ZEB2: variants seen among roughly 807,000 people sequenced by gnomAD.
The protein encoded by ZEB2 is zinc finger E-box binding homeobox 2, also known as zinc finger E-box-binding homeobox 2.
Under a neutral mutation model 99.9 loss-of-function variants are expected in ZEB2, and 6 were observed. The observed-to-expected ratio is 0.06, with a 90% confidence interval of 0.03 to 0.12. The LOEUF (loss-of-function observed/expected upper bound fraction) is 0.12, where lower values mean the gene tolerates loss of function less well. Ranked by LOEUF, ZEB2 falls within the 10% of genes least tolerant of loss-of-function variation. ZEB2 has a pLI of 1.00. For synonymous variants in ZEB2, 517 were observed against 542.5 expected (o/e 0.95, Z 0.65); for missense variants, 969 against 1,502.8 (o/e 0.64, Z 5.87).
chr2:144,387,031 G>GTA lies in ZEB2; in HGVS notation c.*2418_*2419dup, dbSNP rs1369344533. On this transcript the variant is annotated 3_prime_UTR_variant, in exon 10 of 10. Coordinates refer to ENST00000627532, the MANE Select transcript of ZEB2 (RefSeq NM_014795.4). The stretch of plus-strand genomic sequence containing the variant: ...TGTATCTTCATTACATCCTTTCTGT[G>GTA]TATGTGTGTGTGTGTATATATATAT... 1.8e-4 allele frequency: 14 copies of GTA among 79,194 alleles called. No homozygotes were observed. The highest frequency in any genetic ancestry group is 6.3e-4 in the African/African-American group (14 of 22,242). The allele number at this position is 79,194 out of a possible 1,614,324, so 4.9% of individuals were successfully genotyped here.
In ZEB2 at chr2:144,416,053, C is replaced by T. The variant is rs114798924; in HGVS notation, c.403+8743G>A. Among the ~76,000 whole-genome samples, 386 of 152,384 alleles carry T rather than the reference C, an allele frequency of 2.5e-3. 2 individuals carry two copies. The highest frequency in any genetic ancestry group is 9.0e-3 in the African/African-American group (376 of 41,592). On this transcript the variant is annotated intron_variant, in intron 4 of 9. Coordinates refer to ENST00000627532, the MANE Select transcript of ZEB2 (RefSeq NM_014795.4). ...TAATCCAGCAACATGGATGGCCACA[C>T]TTGCTCCTGGGCTAACCCTGGGACA...
At chr2:144,498,126 T>A (rs1345093171) in intron 2 of ZEB2, among the ~76,000 whole-genome samples, 25 of 94,832 alleles carry the variant, frequency 2.6e-4, no homozygotes, top group African/African-American at 9.5e-4. Flanking sequence ...TATATTAATA[T>A]TATATATTAT....
intron 2 of ZEB2, among the ~76,000 whole-genome samples, chr2:144,438,003 C>T (rs1266121635): frequency 6.6e-6 from 1 of 152,156 alleles, no homozygotes; most frequent in African/African-American, 2.4e-5. Flanking sequence ...ACACTTTTAG[C>T]TATTGTAGTC....
rs730881207 is a variant in ZEB2, at chr2:144,429,786, G to C, written c.314C>G (p.Ala105Gly). The change falls in exon 3 of 10, where the codon GCC (alanine) becomes GGC (glycine). Residue 105 changes from alanine to glycine, a missense_variant. Physicochemically the swap from Ala to Gly is moderately conservative, Grantham distance 60. Transcript: ENST00000627532. The stretch of plus-strand genomic sequence containing the variant: ...ACACTTACCTGGACCATCTACAGAG[G>C]CTTGTAGAATCTCGTTGTTGTGCCA... ...HPWHNNEILQ[A>G]SVDGPEEMKE... The C allele has an allele frequency of 2.5e-6, 4 of 1,613,726 alleles. No individual in the cohort carries two copies. In the African/African-American group the frequency reaches 5.3e-5, roughly 22 times the overall value.
In ZEB2 at chr2:144,429,514, T is replaced by C. The variant is rs374219028; in HGVS notation, c.331+255A>G. 8.7e-4 allele frequency: 459 copies of C among 526,456 alleles called. 4 individuals are homozygous for C. The South Asian group carries it at 9.1e-3, about 10-fold the overall frequency. The allele number at this position is 526,456 out of a possible 1,614,324, so 32.6% of individuals were successfully genotyped here. A position where few individuals can be genotyped will look rare whatever the true frequency, so the allele number is the denominator to read the frequency against. ...AATGTGGTGCAAATACCTCATGTTA[T>C]GTGTTGAAAGTGTGGTTCATGTTTG... On this transcript the variant is annotated intron_variant, in intron 3 of 9. Coordinates refer to ENST00000627532, the MANE Select transcript of ZEB2 (RefSeq NM_014795.4).
chr2:144,406,335 C>T (rs1173489483), intron 4 of ZEB2, among the ~76,000 whole-genome samples: 1 of 152,102 alleles, frequency 6.6e-6, no homozygotes, highest in Non-Finnish European at 1.5e-5. Flanking sequence ...TTCGGGAAGC[C>T]ATGAGAGAGA....
intron 2 of ZEB2, chr2:144,512,948 C>T (rs1322819634): frequency 7.8e-7 from 1 of 1,287,108 alleles, no homozygotes; most frequent in East Asian, 5.5e-5. Flanking sequence ...AGAAGCTCAT[C>T]AACTTTACGA....
intron 2 of ZEB2, among the ~76,000 whole-genome samples, chr2:144,468,988 T>C (rs1704314359): frequency 6.6e-6 from 1 of 152,086 alleles, no homozygotes; most frequent in East Asian, 1.9e-4. Context: ...AAACATTTCT[T>C]GAATACTCAC....
chr2:144,496,947 A>T (rs1035570471), intron 2 of ZEB2: 1 of 152,178 alleles, frequency 6.6e-6, no homozygotes, highest in Non-Finnish European at 1.5e-5. Context: ...ACAAGCCAAA[A>T]ATATGGGATA....
chr2:144,460,295 T>C (rs1704174524), intron 2 of ZEB2, among the ~76,000 whole-genome samples: 1 of 152,164 alleles, frequency 6.6e-6, no homozygotes, highest in Non-Finnish European at 1.5e-5. Flanking sequence ...GGCTAAGGTA[T>C]ACAATGTGAA....
chr2:144,511,564 G>GA, intron 2 of ZEB2: 4 of 1,278,506 alleles, frequency 3.1e-6, no homozygotes, highest in Non-Finnish European at 2.0e-6. Flanking sequence ...GCTTGATGAA[G>GA]AAATACTTGG....
chr2:144,388,363 A>T lies in ZEB2; in HGVS notation c.*1088T>A, dbSNP rs890402517. The T allele has an allele frequency of 6.6e-6, 1 of 152,598 alleles. No individual in the cohort carries two copies. The highest frequency in any genetic ancestry group is 1.5e-5 in the Non-Finnish European group (1 of 68,022). The allele number at this position is 152,598 out of a possible 1,614,324, so 9.5% of individuals were successfully genotyped here. A position where few individuals can be genotyped will look rare whatever the true frequency, so the allele number is the denominator to read the frequency against. On this transcript the variant is annotated 3_prime_UTR_variant, in exon 10 of 10. Transcript: ENST00000627532. The surrounding 1 kb of genome is among the most constrained non-coding windows in gnomAD (Gnocchi z 5.4). ...TCTTTACGTAAAATTTGCCCAAATG[A>T]TCAACGTCATGTTCCTTTTTTACTA...
intron 2 of ZEB2, among the ~76,000 whole-genome samples, chr2:144,431,833 G>A (rs752367812): frequency 1.6e-4 from 23 of 146,026 alleles, no homozygotes; most frequent in African/African-American, 5.3e-4. Flanking sequence ...CTGGGGGTAG[G>A]GGGGAGTGGG....
Position 144,396,486 on chromosome 2 carries a change from A to G in ZEB2, c.2993T>C (p.Met998Thr), listed in dbSNP as rs553833674. 11 of 1,614,178 alleles carry G rather than the reference A, an allele frequency of 6.8e-6. No individual in the cohort carries two copies. The African/African-American group carries it at 1.2e-4, about 18-fold the overall frequency. ...RKKIKKTESG[M>T]YACDLCDKTF... The stretch of plus-strand genomic sequence containing the variant: ...CTTGTCACATAAGTCACATGCATAC[A>G]TGCCACTCTCTGTCTTCTTGATCTT... Residue 998 changes from methionine to threonine, a missense_variant, in exon 9 of 10, where the codon ATG (methionine) becomes ACG (threonine). Around this residue, in one of 8 missense-constraint regions of ZEB2, gnomAD observed 346 missense variants for 460.0 expected, o/e 0.75. Coordinates refer to ENST00000627532, the MANE Select transcript of ZEB2 (RefSeq NM_014795.4).
chr2:144,390,597 G>A lies in ZEB2; in HGVS notation c.3068-569C>T, dbSNP rs547675630. On this transcript the variant is annotated intron_variant, in intron 9 of 9. Transcript: ENST00000627532. ...TGTCAAGACTGTCTTATCAGTCATAGGAGTCTAAGAATAAAAATCAGAGAA... is the reference window on the plus strand; with the variant it reads ...TGTCAAGACTGTCTTATCAGTCATAAGAGTCTAAGAATAAAAATCAGAGAA... 6.3e-5 allele frequency: 11 copies of A among 174,228 alleles called. No homozygotes were observed. In the East Asian group the frequency reaches 1.8e-3, roughly 28 times the overall value. 10.8% of individuals were successfully genotyped at this position (174,228 alleles called of 1,614,324 possible).
At chr2:144,466,826 A>G (rs898014544) in intron 2 of ZEB2, among the ~76,000 whole-genome samples, 2 of 152,166 alleles carry the variant, frequency 1.3e-5, no homozygotes, top group African/African-American at 4.8e-5. Context: ...CACAGAAGCC[A>G]CATTACATGA....
intron 4 of ZEB2, among the ~76,000 whole-genome samples, chr2:144,414,943 A>AGTGTGT (rs1293359284): frequency 2.3e-5 from 1 of 44,174 alleles, no homozygotes; most frequent in African/African-American, 7.5e-5. Flanking sequence ...CCCACTTCAG[A>AGTGTGT]GTGTATGTGT....
chr2:144,478,019 C>A (rs533173145), intron 2 of ZEB2, among the ~76,000 whole-genome samples: 1 of 152,032 alleles, frequency 6.6e-6, no homozygotes, highest in Non-Finnish European at 1.5e-5. Context: ...GTGAAGGAGA[C>A]GCTCGGGTTT....
In ZEB2 at chr2:144,520,006, T is replaced by A. The variant is rs892060233; in HGVS notation, c.-137A>T. 2.2e-6 allele frequency: 1 copy of A among 454,158 alleles called. No individual in the cohort carries two copies. Among genetic ancestry groups the A allele is most frequent in the Non-Finnish European group, 4.4e-6 (1 of 226,696 alleles). 28.1% of individuals were successfully genotyped at this position (454,158 alleles called of 1,614,324 possible). ...GAAAAAGCATGAAGAAGCCGCGAAG[T>A]GTGGGGGAGAAAAAGGTGGAAGCGA... On this transcript the variant is annotated 5_prime_UTR_variant, in exon 1 of 10. Transcript: ENST00000627532.
Sources: gnomAD v4.1 joint callset for allele counts (sites outside exome capture counted in the v4.1 genomes callset) on GRCh38, gnomAD v4.1.1 for gene constraint, gnomAD v4.1.1 regional missense constraint, Gnocchi (gnomAD v3.1) non-coding constraint, MANE v1.5 for transcripts, NCBI Gene and HGNC (gene_info 2026-07-23, HGNC 2026-07-21) for gene names.